Variants in F8 observed in about 807,000 individuals in gnomAD.
F8 encodes the protein coagulation factor VIII, also known as antihemophilic factor.
A neutral mutation model predicts 140.6 loss-of-function variants in F8; 12 were observed. The ratio of observed to expected loss-of-function variants is 0.09; its 90% CI spans 0.05 to 0.14. The LOEUF (loss-of-function observed/expected upper bound fraction) is 0.14. F8 is among the 10% of genes least tolerant of loss of function. The probability of loss-of-function intolerance (pLI) is 1.00; values close to 1 mark genes in which losing one functional copy is unlikely to be tolerated. For missense variants in F8, 1,354 were observed against 1,720.7 expected, an observed-to-expected ratio of 0.79 and a Z score of 3.77; for synonymous variants, 585 against 614.6, an observed-to-expected ratio of 0.95 and a Z score of 0.71.
intron 15 of F8, among the ~76,000 whole-genome samples, chrX:154,905,765 T>C (rs924087941): frequency 9.0e-6 from 1 of 111,704 alleles, no homozygotes; most frequent in Admixed American, 9.5e-5. Flanking sequence ...AAAGTAAAGA[T>C]TGATGGGTTA....
intron 13 of F8, among the ~76,000 whole-genome samples, chrX:154,944,493 T>G (rs1449319090): frequency 3.8e-4 from 42 of 111,369 alleles, no homozygotes; most frequent in African/African-American, 1.3e-3. Flanking sequence ...CCAGTTAGAA[T>G]GGCGATCATT....
rs1030910570 is a variant in F8 at position 154,837,482 on chromosome X, A to G, written c.*115T>C. The G allele has an allele frequency of 1.1e-5, 10 of 873,578 alleles. No homozygotes were observed. The African/African-American group carries it at 2.0e-4, about 17-fold the overall frequency. The allele number at this position is 873,578 out of a possible 1,213,427, so 72.0% of individuals were successfully genotyped here. On this transcript the variant is annotated 3_prime_UTR_variant, in exon 26 of 26. Coordinates refer to ENST00000360256, the MANE Select transcript of F8 (RefSeq NM_000132.4). Reference sequence around the variant, plus strand: ...GATGATAGTTAATTCAGGAGGCTTCAAGGCAGTGTCTGCTAGGATTTAGCA... The same window carrying G: ...GATGATAGTTAATTCAGGAGGCTTCGAGGCAGTGTCTGCTAGGATTTAGCA...
intron 13 of F8, among the ~76,000 whole-genome samples, chrX:154,939,682 C>T (rs879957041): frequency 7.1e-5 from 8 of 112,255 alleles, no homozygotes; most frequent in African/African-American, 9.7e-5. Context: ...TCTCCCAGCA[C>T]GCAGCTTGAG....
In F8 at chrX:155,016,974, T is replaced by C. The variant is rs986717955; in HGVS notation, c.143+5436A>G. ...ATATATTATGTGGCAAATTAAACTT[T>C]GCAGATGGAATTAAGGGGCTGATTA... On this transcript the variant is annotated intron_variant, in intron 1 of 25. Transcript: ENST00000360256. Among the ~76,000 whole-genome samples the C allele has an allele frequency of 3.6e-5, 4 of 112,649 alleles. No homozygotes were observed. The East Asian group carries it at 1.1e-3, about 31-fold the overall frequency.
At chrX:154,961,605 G>T (rs1239354175) in intron 9 of F8, among the ~76,000 whole-genome samples, 2 of 110,270 alleles carry the variant, frequency 1.8e-5, no homozygotes, top group Non-Finnish European at 3.8e-5. Context: ...TCAATCAATG[G>T]TTGTTTGAAT....
intron 6 of F8, among the ~76,000 whole-genome samples, chrX:154,971,652 C>T (rs1557282577): frequency 9.0e-6 from 1 of 111,207 alleles, no homozygotes; most frequent in African/African-American, 3.3e-5. Context: ...CTACCTGTAA[C>T]ATTGTACCCA....
At chrX:154,847,571 C>T (rs926136043) in intron 25 of F8, among the ~76,000 whole-genome samples, 3 of 112,238 alleles carry the variant, frequency 2.7e-5, no homozygotes, top group Admixed American at 9.5e-5. Flanking sequence ...TCCAGTTGAT[C>T]GCATCGGCTA....
intron 22 of F8, among the ~76,000 whole-genome samples, chrX:154,871,817 C>A (rs1469941327): frequency 8.9e-6 from 1 of 111,831 alleles, no homozygotes; most frequent in Non-Finnish European, 1.9e-5. Context: ...GGGCTAATAT[C>A]CAGAATCTAC....
rs782555341 is a variant in F8, at chrX:154,965,484, A to C, written c.1443+486T>G. Reference sequence around the variant, plus strand: ...GGAGCAAGCAAGCATTTTTTGGAAAAGGCTGGATAGTAAGTACTCTAAAAT... The same window carrying C: ...GGAGCAAGCAAGCATTTTTTGGAAACGGCTGGATAGTAAGTACTCTAAAAT... On this transcript the variant is annotated intron_variant, in intron 9 of 25. Transcript: ENST00000360256. 3.6e-5 allele frequency among the ~76,000 whole-genome samples: 4 copies of C among 111,703 alleles called. No homozygotes were observed. The East Asian group carries it at 1.1e-3, about 31-fold the overall frequency.
intron 25 of F8, among the ~76,000 whole-genome samples, chrX:154,848,357 T>C (rs2072587108): frequency 8.9e-6 from 1 of 112,646 alleles, no homozygotes; most frequent in Admixed American, 9.3e-5. Flanking sequence ...CTGCTGTCTT[T>C]TTGTTTGTCT....
chrX:154,929,797 C>T lies in F8; in HGVS notation c.3993G>A (p.Lys1331=), dbSNP rs35702375. Residue 1331 remains lysine, a synonymous_variant, in exon 14 of 26, where the codon AAG becomes AAA. Transcript: ENST00000360256. Reference sequence around the variant, plus strand: ...GGAGTCTGAATTGTTTCAAAGCTCTCTTACTACGTTGCGTGACAAAATTCT... The same window carrying T: ...GGAGTCTGAATTGTTTCAAAGCTCTTTTACTACGTTGCGTGACAAAATTCT... ...SQQNFVTQRS[K]RALKQFRLPL... 8.3e-7 allele frequency: 1 copy of T among 1,210,035 alleles called. No homozygotes were observed. Among genetic ancestry groups the T allele is most frequent in the East Asian group, 3.0e-5 (1 of 33,761 alleles).
At chrX:154,976,082 G>C (rs1384545859) in intron 6 of F8, among the ~76,000 whole-genome samples, 3 of 111,036 alleles carry the variant, frequency 2.7e-5, no homozygotes, top group Non-Finnish European at 5.7e-5. Flanking sequence ...TTTTAGTAGA[G>C]ATGGAGTTTC....
At chrX:154,991,242 C>T (rs2073586371) in intron 4 of F8, among the ~76,000 whole-genome samples, 1 of 111,981 alleles carries the variant, frequency 8.9e-6, no homozygotes, top group South Asian at 3.7e-4. Flanking sequence ...AGTTACCTTT[C>T]TCACTCCTTG....
chrX:154,929,753 A>G lies in F8; in HGVS notation c.4037T>C (p.Leu1346Pro). The stretch of plus-strand genomic sequence containing the variant: ...GTCATCCACAATTATCCTTTTTTCA[A>G]GTTCTGTTTCTTCTAGTGGGAGTCT... ...QFRLPLEETE[L>P]EKRIIVDDTS... is the part of the protein sequence containing the mutation. The change falls in exon 14 of 26, where the codon CTT becomes CCT. Residue 1346 changes from leucine to proline, a missense_variant. Leu to Pro is a moderately conservative substitution (Grantham distance 98, BLOSUM62 -3). Transcript: ENST00000360256. The G allele has an allele frequency of 8.3e-7, 1 of 1,209,108 alleles. No homozygotes were observed. The highest frequency in any genetic ancestry group is 1.1e-6 in the Non-Finnish European group (1 of 894,769).
intron 25 of F8, among the ~76,000 whole-genome samples, chrX:154,845,253 C>CT (rs1400592705): frequency 8.1e-5 from 9 of 111,480 alleles, no homozygotes; most frequent in Non-Finnish European, 1.3e-4. Flanking sequence ...CTAAAATTCT[C>CT]TTTTTTTGTT....
chrX:154,904,904 G>T lies in F8; in HGVS notation c.5493C>A (p.Thr1831=). The part of the protein sequence containing the change: ...PRKNFVKPNE[T]KTYFWKVQHH... Reference sequence around the variant, plus strand: ...GTTGCACTTTCCAAAAGTAAGTTTTGGTTTCATTAGGCTTGACAAAGTTTT... The same window carrying T: ...GTTGCACTTTCCAAAAGTAAGTTTTTGTTTCATTAGGCTTGACAAAGTTTT... The change falls in exon 16 of 26, where the codon ACC becomes ACA. Residue 1831 remains threonine (T), a synonymous_variant. Transcript: ENST00000360256. 8.3e-7 allele frequency: 1 copy of T among 1,209,718 alleles called. No homozygotes were observed. The highest frequency in any genetic ancestry group is 3.0e-5 in the East Asian group (1 of 33,805).
intron 13 of F8, among the ~76,000 whole-genome samples, chrX:154,945,480 T>A (rs1557280222): frequency 8.9e-6 from 1 of 112,234 alleles, no homozygotes; most frequent in African/African-American, 3.2e-5. Flanking sequence ...ATACATCATA[T>A]CAACAGAATG....
chrX:155,006,198 G>A (rs1233254618), intron 1 of F8, among the ~76,000 whole-genome samples: 2 of 106,993 alleles, frequency 1.9e-5, no homozygotes, highest in Admixed American at 1.0e-4. Flanking sequence ...CTGTGGAAAC[G>A]CTGCCACACA....
At chrX:154,945,357 G>A (rs941002485) in intron 13 of F8, among the ~76,000 whole-genome samples, 2 of 110,909 alleles carry the variant, frequency 1.8e-5, no homozygotes, top group South Asian at 3.8e-4. Context: ...AATCCTCAAC[G>A]AACTACTAGC....
Sources: allele counts gnomAD v4.1 joint callset (sites outside exome capture counted in the v4.1 genomes callset), GRCh38; gene constraint gnomAD v4.1.1; transcripts MANE v1.5; gene names NCBI Gene and HGNC (gene_info 2026-07-23, HGNC 2026-07-21).